Variants in C9orf152 observed in about 807,000 individuals in gnomAD.
C9orf152 encodes chromosome 9 open reading frame 152.
In C9orf152, 8 loss-of-function variants were observed where a neutral mutation model predicts 8.5. The observed-to-expected ratio is 0.94, with a 90% CI of 0.55 to 1.70. The LOEUF (loss-of-function observed/expected upper bound fraction) is 1.70. Ranked by LOEUF, C9orf152 falls within the 40% of genes most tolerant of loss-of-function variation. The pLI is 0.00. For synonymous variants in C9orf152, 109 were observed against 113.0 expected (o/e 0.96, Z 0.22); for missense variants, 293 against 286.2 (o/e 1.02, Z -0.17).
chr9:110,200,927 C>T lies in C9orf152; in HGVS notation c.*21G>A. 2 of 1,573,456 alleles carry T rather than the reference C, an allele frequency of 1.3e-6. No individual in the cohort carries two copies. Among genetic ancestry groups the T allele is most frequent in the South Asian group, 1.2e-5 (1 of 81,852 alleles). On this transcript the variant is annotated 3_prime_UTR_variant, in exon 2 of 2. Transcript: ENST00000400613. Reference sequence around the variant, plus strand: ...GCCATAGGTGGCCTCAAGGTCAAGACATCTGGCAGAATAGAAAGCTTCACG... The same window carrying T: ...GCCATAGGTGGCCTCAAGGTCAAGATATCTGGCAGAATAGAAAGCTTCACG...
chr9:110,204,017 A>G (rs367734248), intron 1 of C9orf152, among the ~76,000 whole-genome samples: 1 of 152,090 alleles, frequency 6.6e-6, no homozygotes, highest in Non-Finnish European at 1.5e-5. Flanking sequence ...TCACTAGGAG[A>G]CCCTAGGCCT....
At chr9:110,206,221 C>T (rs2118505463) in intron 1 of C9orf152, among the ~76,000 whole-genome samples, 1 of 152,164 alleles carries the variant, frequency 6.6e-6, no homozygotes, top group African/African-American at 2.4e-5. Context: ...TACCGAGTTA[C>T]CAAGAGCAGG....
At chr9:110,205,285 G>A (rs1837261917) in intron 1 of C9orf152, among the ~76,000 whole-genome samples, 1 of 151,628 alleles carries the variant, frequency 6.6e-6, no homozygotes, top group South Asian at 2.1e-4. Flanking sequence ...TCCACAAAAA[G>A]CCTTTTTCTC....
intron 1 of C9orf152, among the ~76,000 whole-genome samples, chr9:110,206,740 A>T (rs796994256): frequency 1.7e-4 from 26 of 152,362 alleles, no homozygotes; most frequent in African/African-American, 6.3e-4. Flanking sequence ...CTTTCAGGGT[A>T]TCTTCCCTTC....
At chr9:110,206,272 A>C (rs777855621) in intron 1 of C9orf152, among the ~76,000 whole-genome samples, 11 of 152,002 alleles carry the variant, frequency 7.2e-5, no homozygotes, top group Non-Finnish European at 1.5e-4. Context: ...CTCTGGGGGC[A>C]TGTTGAATTT....
intron 1 of C9orf152, among the ~76,000 whole-genome samples, chr9:110,202,076 T>C (rs913329786): frequency 1.3e-5 from 2 of 151,896 alleles, no homozygotes; most frequent in East Asian, 3.9e-4. Flanking sequence ...ATTCTTTTTG[T>C]TTGTTTGTTT....
Position 110,207,629 on chromosome 9 carries a change from A to G in C9orf152, c.-50T>C. 1.9e-6 allele frequency: 2 copies of G among 1,072,566 alleles called. No homozygotes were observed. The highest frequency in any genetic ancestry group is 2.5e-6 in the Non-Finnish European group (2 of 784,624). The allele number at this position is 1,072,566 out of a possible 1,614,324, so 66.4% of individuals were successfully genotyped here. A position where few individuals can be genotyped will look rare whatever the true frequency, so the allele number is the denominator to read the frequency against. On this transcript the variant is annotated 5_prime_UTR_variant, in exon 1 of 2. Transcript: ENST00000400613. The stretch of plus-strand genomic sequence containing the variant: ...CAGCTGGGTGGGGCAGGACCTGGGG[A>G]GGGGAGAGAGAGGGAGGGGGCAGTG...
At chr9:110,205,824 T>C (rs7868072) in intron 1 of C9orf152, among the ~76,000 whole-genome samples, 65,130 of 151,798 alleles carry the variant, frequency 0.43, 14,803 homozygotes, top group East Asian at 0.75. Context: ...AAGGTCGAGG[T>C]GGGTGGATCA....
intron 1 of C9orf152, among the ~76,000 whole-genome samples, chr9:110,205,914 G>A (rs550375745): frequency 1.7e-4 from 26 of 152,202 alleles, no homozygotes; most frequent in African/African-American, 6.3e-4. Flanking sequence ...AAAATTAACC[G>A]AGCATGGTGG....
In C9orf152 at chr9:110,201,354, G is replaced by C. The variant is rs774758275; in HGVS notation, c.314C>G (p.Ala105Gly). 1.2e-6 allele frequency: 2 copies of C among 1,605,680 alleles called. No homozygotes were observed. The highest frequency in any genetic ancestry group is 1.7e-6 in the Non-Finnish European group (2 of 1,176,150). ...DSEVEGRLEE[A>G]AQGCLQAPKS... is the part of the protein sequence containing the mutation. Reference sequence around the variant, plus strand: ...GGGGGCCTGAAGGCAGCCCTGGGCAGCCTCCTCCAGCCTCCCCTCCACCTC... The same window carrying C: ...GGGGGCCTGAAGGCAGCCCTGGGCACCCTCCTCCAGCCTCCCCTCCACCTC... The change falls in exon 2 of 2, where the codon GCT becomes GGT. Residue 105 changes from alanine to glycine, a missense_variant. Physicochemically the swap from Ala to Gly is moderately conservative, Grantham distance 60. Coordinates refer to ENST00000400613, the MANE Select transcript of C9orf152 (RefSeq NM_001012993.3).
intron 1 of C9orf152, among the ~76,000 whole-genome samples, chr9:110,201,866 T>C (rs1837226150): frequency 6.6e-6 from 1 of 151,988 alleles, no homozygotes; most frequent in Non-Finnish European, 1.5e-5. Flanking sequence ...TGGCAATCAA[T>C]GCAATGGAAA....
intron 1 of C9orf152, among the ~76,000 whole-genome samples, chr9:110,203,872 AAG>A (rs1837246754): frequency 6.6e-6 from 1 of 152,152 alleles, no homozygotes; most frequent in Non-Finnish European, 1.5e-5. Flanking sequence ...GAGAAGAGCG[AAG>A]AGAGTGGTAG....
chr9:110,207,266 T>C (rs1837282906), intron 1 of C9orf152, 121 bp downstream of exon 1: 2 of 1,153,010 alleles, frequency 1.7e-6, no homozygotes, highest in Non-Finnish European at 2.5e-6. Context: ...TGAGCCCGCC[T>C]CCCCTGCTCT....
rs1462953507 is a variant in C9orf152, at chr9:110,201,366, C to T, written c.302G>A (p.Arg101Lys). Reference sequence around the variant, plus strand: ...GCAGCCCTGGGCAGCCTCCTCCAGCCTCCCCTCCACCTCAGAATCTGCCTC... The same window carrying T: ...GCAGCCCTGGGCAGCCTCCTCCAGCTTCCCCTCCACCTCAGAATCTGCCTC... ...LEEADSEVEG[R>K]LEEAAQGCLQ... Residue 101 changes from arginine to lysine, a missense_variant, in exon 2 of 2, where the codon AGG (arginine) becomes AAG (lysine). Arg to Lys is a conservative substitution (Grantham distance 26, BLOSUM62 2). Coordinates refer to ENST00000400613, the MANE Select transcript of C9orf152 (RefSeq NM_001012993.3). 4 of 1,603,484 alleles carry T rather than the reference C, an allele frequency of 2.5e-6. No individual in the cohort carries two copies. The highest frequency in any genetic ancestry group is 3.4e-6 in the Non-Finnish European group (4 of 1,175,308).
At position 110,201,070 on chromosome 9, in the gene C9orf152, A is replaced by C. The variant is rs757879149; in HGVS notation, c.598T>G (p.Cys200Gly). ...TGTGGGTTCTTTATGGAAAGAGGAC[A>C]TTGAGTGCTGAATTTTAAGCCAGAT... ...VESGLKFSTQ[C>G]PLSIKNPHRS... The change falls in exon 2 of 2, where the codon TGT (cysteine) becomes GGT (glycine). Residue 200 changes from cysteine (C) to glycine (G), a missense_variant. By Grantham distance (159) the Cys-to-Gly change is radical (BLOSUM62 -3). Coordinates refer to ENST00000400613, the MANE Select transcript of C9orf152 (RefSeq NM_001012993.3). 8 of 1,614,120 alleles carry C rather than the reference A, an allele frequency of 5.0e-6. No homozygotes were observed. The highest frequency in any genetic ancestry group is 2.7e-5 in the African/African-American group (2 of 74,942).
At position 110,207,461 on chromosome 9, in the gene C9orf152, T is replaced by C. The variant is rs747364236; in HGVS notation, c.119A>G (p.Gln40Arg). 7 of 1,613,276 alleles carry C rather than the reference T, an allele frequency of 4.3e-6. No individual in the cohort carries two copies. Among genetic ancestry groups the C allele is most frequent in the African/African-American group, 1.3e-5 (1 of 74,908 alleles). The part of the protein sequence containing the change: ...APGKGPPLSI[Q>R]FLRAQYEGLK... ...GCCTTCATACTGGGCTCGCAGGAAC[T>C]GGATGCTGAGTGGGGGCCCTTTCCC... Residue 40 changes from glutamine to arginine, a missense_variant, in exon 1 of 2, where the codon CAG (glutamine) becomes CGG (arginine). Gln to Arg is a conservative substitution (Grantham distance 43). Transcript: ENST00000400613.
Position 110,201,028 on chromosome 9 carries a change from C to T in C9orf152, c.640G>A (p.Ala214Thr), listed in dbSNP as rs1837210736. The T allele has an allele frequency of 6.2e-7, 1 of 1,614,104 alleles. No individual in the cohort carries two copies. Among genetic ancestry groups the T allele is most frequent in the South Asian group, 1.1e-5 (1 of 91,094 alleles). The part of the protein sequence containing the change: ...IKNPHRSGKP[A>T]YYPFPQRKTP... ...TTCCTCTGGGGAAATGGATAGTAAG[C>T]TGGTTTGCCAGACCTGTGTGGGTTC... is the stretch of plus-strand genomic sequence containing the variant. The change falls in exon 2 of 2, where the codon GCT becomes ACT. Residue 214 changes from alanine to threonine, a missense_variant. By Grantham distance (58) the Ala-to-Thr change is moderately conservative. Transcript: ENST00000400613.
At chr9:110,205,481 A>C (rs1169003532) in intron 1 of C9orf152, among the ~76,000 whole-genome samples, 1 of 152,172 alleles carries the variant, frequency 6.6e-6, no homozygotes, top group East Asian at 1.9e-4. Context: ...TCCTACTTAG[A>C]TACATGTGAC....
In C9orf152 at chr9:110,201,544, A is replaced by G. The variant is rs1564357468; in HGVS notation, c.194-70T>C. On this transcript the variant is annotated intron_variant, in intron 1 of 1. Coordinates refer to ENST00000400613, the MANE Select transcript of C9orf152 (RefSeq NM_001012993.3). ...GGGCGGCTCTCACTTAGGGGGTCTC[A>G]TTGCTTTCAAGCTGAAGGAAGGCCA... 4 of 1,309,452 alleles carry G rather than the reference A, an allele frequency of 3.1e-6. No individual in the cohort carries two copies. The African/African-American group carries it at 4.4e-5, about 14-fold the overall frequency. 81.1% of individuals were successfully genotyped at this position (1,309,452 alleles called of 1,614,324 possible). A position where few individuals can be genotyped will look rare whatever the true frequency, so the allele number is the denominator to read the frequency against.
Sources: gnomAD v4.1 joint callset for allele counts (sites outside exome capture counted in the v4.1 genomes callset) on GRCh38, gnomAD v4.1.1 for gene constraint, MANE v1.5 for transcripts, NCBI Gene and HGNC (gene_info 2026-07-23, HGNC 2026-07-21) for gene names.